Variants in XRN1 observed in about 807,000 individuals in gnomAD.
XRN1 encodes the protein strand-exchange protein 1 homolog.
In XRN1, 67 loss-of-function variants were observed where a neutral mutation model predicts 222.3. The ratio of observed to expected loss-of-function variants is 0.30; its 90% CI spans 0.25 to 0.37. The LOEUF (loss-of-function observed/expected upper bound fraction) is 0.37, where lower values mean the gene tolerates loss of function less well. Among genes scored for constraint, XRN1 ranks in the 10% least tolerant of loss-of-function variants. The probability of loss-of-function intolerance (pLI) is 1.00; values close to 1 mark genes in which losing one functional copy is unlikely to be tolerated. For missense variants in XRN1, 1,707 were observed against 2,000.2 expected (o/e 0.85, Z 2.80); for synonymous variants, 643 against 652.4 (o/e 0.99, Z 0.22).
At chr3:142,446,737 GA>G (rs985278658) in intron 1 of XRN1, among the ~76,000 whole-genome samples, 2 of 151,892 alleles carry the variant, frequency 1.3e-5, no homozygotes, top group African/African-American at 4.8e-5. Flanking sequence ...CTCCCCGGGG[GA>G]AAAAAATACC....
chr3:142,329,700 C>T, intron 36 of XRN1, 85 bp from the exon 37 acceptor site: 1 of 1,338,530 alleles, frequency 7.5e-7, no homozygotes, highest in Non-Finnish European at 9.9e-7. Context: ...TATAGAAGAG[C>T]AAGCAGGAAA....
At chr3:142,366,648 T>C (rs1460169926) in intron 27 of XRN1, among the ~76,000 whole-genome samples, 2 of 152,118 alleles carry the variant, frequency 1.3e-5, no homozygotes, top group Non-Finnish European at 2.9e-5. Flanking sequence ...ATTACAATTT[T>C]AATAGAGTGA....
chr3:142,401,098 C>T (rs2068112046), intron 18 of XRN1, among the ~76,000 whole-genome samples: 1 of 152,018 alleles, frequency 6.6e-6, no homozygotes, highest in Non-Finnish European at 1.5e-5. Context: ...TGTTTCATAT[C>T]AAATAGTCAA....
intron 39 of XRN1, among the ~76,000 whole-genome samples, chr3:142,315,906 A>G (rs183381349): frequency 1.0e-3 from 152 of 152,298 alleles, no homozygotes; most frequent in Admixed American, 1.3e-3. Context: ...TTATTTGCTT[A>G]TGCTACTTGT....
chr3:142,325,563 C>T (rs1371451114), intron 37 of XRN1, among the ~76,000 whole-genome samples: 2 of 151,860 alleles, frequency 1.3e-5, no homozygotes, highest in Non-Finnish European at 2.9e-5. Context: ...TATATTCTGG[C>T]TATTAATATC....
intron 30 of XRN1, among the ~76,000 whole-genome samples, chr3:142,357,871 A>G (rs764360334): frequency 1.1e-4 from 16 of 152,098 alleles, no homozygotes; most frequent in Non-Finnish European, 2.1e-4. Context: ...CTCTGTCTCT[A>G]TTAAAAATAC....
chr3:142,385,549 C>T (rs1191478883), intron 20 of XRN1, among the ~76,000 whole-genome samples: 3 of 152,120 alleles, frequency 2.0e-5, no homozygotes, highest in African/African-American at 7.2e-5. Context: ...CCATTTACTT[C>T]CTGTCTATGG....
rs145537762 is a variant in XRN1 at position 142,311,643 on chromosome 3, T to C, written c.4953A>G (p.Ala1651=). 248 of 1,614,162 alleles carry C rather than the reference T, an allele frequency of 1.5e-4. No homozygotes were observed. Among genetic ancestry groups the C allele is most frequent in the Non-Finnish European group, 1.9e-4 (227 of 1,180,010 alleles). Residue 1651 remains alanine (A), a synonymous_variant, in exon 41 of 41, where the codon GCA becomes GCG. Coordinates refer to ENST00000392981, the MANE Select transcript of XRN1 (RefSeq NM_001282857.2). ...SLKSSPIAQP[A]SSFQVETASQ... is the part of the protein sequence containing the mutation. ...AGGCAGTTTCAACTTGAAAAGAAGA[T>C]GCAGGTTGAGCAATCGGAGAGGACT... is the stretch of plus-strand genomic sequence containing the variant.
chr3:142,374,683 T>G (rs1366069394), intron 25 of XRN1, among the ~76,000 whole-genome samples: 1 of 152,078 alleles, frequency 6.6e-6, no homozygotes, highest in Non-Finnish European at 1.5e-5. Flanking sequence ...CATAAATATG[T>G]CAAGTTGAAA....
At chr3:142,375,991 C>A (rs754131843) in intron 24 of XRN1, 47 bp from the exon 25 acceptor site, 14 of 1,527,546 alleles carry the variant, frequency 9.2e-6, no homozygotes, top group African/African-American at 1.4e-5. Context: ...CACACACACA[C>A]ACACACACAC....
intron 27 of XRN1, among the ~76,000 whole-genome samples, chr3:142,368,533 A>T (rs755098315): frequency 3.3e-5 from 5 of 152,252 alleles, no homozygotes; most frequent in African/African-American, 7.2e-5. Flanking sequence ...AAGTAAAGGG[A>T]AAATGTGTGA....
intron 25 of XRN1, among the ~76,000 whole-genome samples, chr3:142,372,085 G>A (rs993828805): frequency 2.0e-5 from 3 of 152,122 alleles, no homozygotes; most frequent in African/African-American, 7.2e-5. Flanking sequence ...GTGAGGTTTA[G>A]TAAGATTTAA....
At position 142,400,312 on chromosome 3, in the gene XRN1, G is replaced by A. The variant is rs183747767; in HGVS notation, c.2207+132C>T. 114 of 634,314 alleles carry A rather than the reference G, an allele frequency of 1.8e-4. No individual in the cohort carries two copies. The East Asian group carries it at 3.3e-3, about 18-fold the overall frequency. The allele number at this position is 634,314 out of a possible 1,614,324, so 39.3% of individuals were successfully genotyped here. On this transcript the variant is annotated intron_variant, in intron 19 of 40. Transcript: ENST00000392981. ...TGAACTTCAAGTGGTGTCATTAGAC[G>A]ACTTTCATTTTTGGTACAGAGTGTA...
rs1177948656 is a variant in XRN1 at position 142,318,844 on chromosome 3, G to C, written c.4464C>G (p.Cys1488Trp). 1 of 1,613,922 alleles carries C rather than the reference G, an allele frequency of 6.2e-7. No individual in the cohort carries two copies. The highest frequency in any genetic ancestry group is 2.2e-5 in the East Asian group (1 of 44,858). ...SNGLLVHGPQ[C>W]HSENEAKEKA... ...TCTCTTTGGCTTCATTTTCAGAGTG[G>C]CACTGTGGCCCATGTACCAGTAAGC... Residue 1488 changes from cysteine to tryptophan, a missense_variant, in exon 38 of 41, where the codon TGC becomes TGG. Coordinates refer to ENST00000392981, the MANE Select transcript of XRN1 (RefSeq NM_001282857.2).
chr3:142,397,588 A>C (rs933327233), intron 19 of XRN1, 128 bp from the exon 20 acceptor site: 1 of 583,752 alleles, frequency 1.7e-6, no homozygotes, highest in African/African-American at 1.9e-5. Flanking sequence ...CACAACTGTA[A>C]TGTAAATTAC....
intron 14 of XRN1, among the ~76,000 whole-genome samples, chr3:142,413,485 G>T (rs1347179481): frequency 6.6e-6 from 1 of 152,004 alleles, no homozygotes; most frequent in African/African-American, 2.4e-5. Context: ...AAGTAAAGGG[G>T]GTGTGTGTGT....
intron 20 of XRN1, among the ~76,000 whole-genome samples, chr3:142,393,298 T>C (rs1441032894): frequency 6.7e-6 from 1 of 149,506 alleles, no homozygotes; most frequent in Non-Finnish European, 1.5e-5. Flanking sequence ...TGATGGTAGT[T>C]TCTTTTGCTG....
rs1427166980 is a variant in XRN1 at position 142,308,552 on chromosome 3, G to C, written c.*2959C>G. Reference sequence around the variant, plus strand: ...TTTCTGCAACTACAACTGAGTCTTAGATGTTTAAGACTTTAGTCTACATGA... The same window carrying C: ...TTTCTGCAACTACAACTGAGTCTTACATGTTTAAGACTTTAGTCTACATGA... On this transcript the variant is annotated 3_prime_UTR_variant, in exon 41 of 41. Coordinates refer to ENST00000392981, the MANE Select transcript of XRN1 (RefSeq NM_001282857.2). 1 of 152,274 alleles carries C rather than the reference G, an allele frequency of 6.6e-6. No individual in the cohort carries two copies. Among genetic ancestry groups the C allele is most frequent in the African/African-American group, 2.4e-5 (1 of 41,544 alleles). 9.4% of individuals were successfully genotyped at this position (152,274 alleles called of 1,614,324 possible).
At chr3:142,346,567 G>GC (rs1054410247) in intron 33 of XRN1, among the ~76,000 whole-genome samples, 7 of 150,446 alleles carry the variant, frequency 4.7e-5, no homozygotes, top group African/African-American at 1.2e-4. Flanking sequence ...TGCAACCTCC[G>GC]CCCCCCAGGC....
Sources: gnomAD v4.1 joint callset for allele counts (sites outside exome capture counted in the v4.1 genomes callset) on GRCh38, gnomAD v4.1.1 for gene constraint, MANE v1.5 for transcripts, NCBI Gene and HGNC (gene_info 2026-07-23, HGNC 2026-07-21) for gene names.